FYB2: variants seen among roughly 807,000 people sequenced by gnomAD.
FYB2 encodes the protein FYN-binding protein 2.
In FYB2, 103 loss-of-function variants were observed where a neutral mutation model predicts 94.1. The observed-to-expected ratio is 1.09, with a 90% CI of 0.93 to 1.29. The LOEUF (loss-of-function observed/expected upper bound fraction) is 1.29, where lower values mean the gene tolerates loss of function less well. FYB2 is among the 50% of genes most tolerant of loss of function. The probability of loss-of-function intolerance (pLI) is 0.00; values close to 1 mark genes in which losing one functional copy is unlikely to be tolerated. For synonymous variants in FYB2, 293 were observed against 287.9 expected (o/e 1.02, Z -0.18); for missense variants, 896 against 841.5 (o/e 1.06, Z -0.80).
At chr1:56,803,032 T>G (rs1350874973) in intron 1 of FYB2, among the ~76,000 whole-genome samples, 3 of 152,204 alleles carry the variant, frequency 2.0e-5, no homozygotes, top group Admixed American at 6.5e-5. Context: ...CTTTGAAACA[T>G]TGCTTGGATT....
chr1:56,792,753 AT>A lies in FYB2; in HGVS notation c.59del (p.Asp20ValfsTer60). 8.1e-6 allele frequency: 13 copies of A among 1,613,852 alleles called. No individual in the cohort carries two copies. Among genetic ancestry groups the A allele is most frequent in the Non-Finnish European group, 1.1e-5 (13 of 1,179,850 alleles). On this transcript the variant is annotated frameshift_variant, in exon 2 of 20. Coordinates refer to ENST00000343433, the MANE Select transcript of FYB2 (RefSeq NM_001004303.5). LOFTEE classifies it high-confidence loss of function. ...TAATAGGTCCTGGAAGAGGTGGAGC[AT>A]CAAGATTTTGAAATTTGGCTCGAAG... ...KELRAKFQNL[D>X]APPLPGPIKF... is the part of the protein sequence containing the mutation.
intron 4 of FYB2, among the ~76,000 whole-genome samples, chr1:56,780,477 C>T (rs752827037): frequency 6.6e-6 from 1 of 152,156 alleles, no homozygotes. Flanking sequence ...ATTAAGGCAG[C>T]CTGGGGTGAT....
intron 3 of FYB2, 199 bp downstream of exon 3, chr1:56,788,772 GCT>G (rs1646188607): frequency 1.6e-6 from 1 of 635,498 alleles, no homozygotes; most frequent in Non-Finnish European, 2.7e-6. Context: ...GGGGAAGTGG[GCT>G]GGTCTAGGAG....
intron 15 of FYB2, among the ~76,000 whole-genome samples, chr1:56,729,543 A>G (rs1252942698): frequency 6.6e-6 from 1 of 152,132 alleles, no homozygotes; most frequent in Admixed American, 6.6e-5. Flanking sequence ...TTAGGTCAAA[A>G]GGGAGAGATA....
intron 1 of FYB2, among the ~76,000 whole-genome samples, chr1:56,806,820 G>T (rs1309503412): frequency 6.6e-6 from 1 of 152,176 alleles, no homozygotes; most frequent in African/African-American, 2.4e-5. Context: ...ATTTTGTGGT[G>T]AGGGTAAGGG....
At chr1:56,825,990 G>T in the FYB2 span, among the ~76,000 whole-genome samples, 1 of 152,178 alleles carries the variant, frequency 6.6e-6, no homozygotes, top group East Asian at 1.9e-4. Context: ...CCTCTCAAGT[G>T]CAGTGGACTA....
At chr1:56,771,612 T>A (rs1645756977) in intron 4 of FYB2, among the ~76,000 whole-genome samples, 1 of 151,902 alleles carries the variant, frequency 6.6e-6, no homozygotes, top group Non-Finnish European at 1.5e-5. Flanking sequence ...GGGACTAGAG[T>A]TAGGGTTAGG....
At chr1:56,791,537 C>A (rs1021012698) in intron 2 of FYB2, among the ~76,000 whole-genome samples, 1 of 152,102 alleles carries the variant, frequency 6.6e-6, no homozygotes, top group Non-Finnish European at 1.5e-5. Flanking sequence ...CATAAGCCAC[C>A]GTGCCCAGCC....
rs543196240 is a variant in FYB2 at position 56,780,962 on chromosome 1, G to A, written c.953+6213C>T. ...CATTCTCTTCATTCTTTCCTGTAGC[G>A]ATTCAATTTATCCCAGCGTGCTGGG... is the stretch of plus-strand genomic sequence containing the variant. On this transcript the variant is annotated intron_variant, in intron 4 of 19. Transcript: ENST00000343433. Among the ~76,000 whole-genome samples the A allele has an allele frequency of 1.2e-4, 18 of 152,224 alleles. 1 individual carries two copies. In the South Asian group the frequency reaches 3.5e-3, roughly 30 times the overall value.
intron 5 of FYB2, among the ~76,000 whole-genome samples, chr1:56,764,820 G>A (rs1343797138): frequency 6.6e-6 from 1 of 152,100 alleles, no homozygotes; most frequent in Non-Finnish European, 1.5e-5. Context: ...CTGGAGGCTG[G>A]AAGTTCCAAG....
chr1:56,720,115 C>G, intron 18 of FYB2, 58 bp downstream of exon 18: 1 of 1,584,916 alleles, frequency 6.3e-7, no homozygotes, highest in Non-Finnish European at 8.6e-7. Context: ...TTTTTTAAAG[C>G]ATTTTAAGAT....
At chr1:56,728,457 C>T (rs989027566) in intron 15 of FYB2, among the ~76,000 whole-genome samples, 1 of 152,040 alleles carries the variant, frequency 6.6e-6, no homozygotes, top group African/African-American at 2.4e-5. Context: ...TCAAAGAGTT[C>T]CCAGTCTAGC....
intron 9 of FYB2, among the ~76,000 whole-genome samples, chr1:56,748,954 G>C (rs9803816): frequency 8.6e-5 from 13 of 151,288 alleles, no homozygotes; most frequent in African/African-American, 3.1e-4. Context: ...TTTGTGAAAG[G>C]CATTTTTATG....
intron 2 of FYB2, 107 bp from the exon 3 acceptor site, chr1:56,789,241 C>T: frequency 7.9e-7 from 1 of 1,266,868 alleles, no homozygotes; most frequent in Admixed American, 2.8e-5. Flanking sequence ...AATCTATTCT[C>T]CACCCAACAG....
chr1:56,810,064 G>A (rs1450487555), intron 1 of FYB2, among the ~76,000 whole-genome samples: 2 of 152,104 alleles, frequency 1.3e-5, no homozygotes, highest in Non-Finnish European at 2.9e-5. Flanking sequence ...AAAGAGGAGG[G>A]GGAAGAGGGA....
chr1:56,741,943 T>C (rs1367758587), intron 12 of FYB2, among the ~76,000 whole-genome samples: 1 of 152,084 alleles, frequency 6.6e-6, no homozygotes, highest in East Asian at 1.9e-4. Context: ...ATTGATAGTA[T>C]ATGATTGTAC....
intron 4 of FYB2, among the ~76,000 whole-genome samples, chr1:56,781,574 T>C (rs1177715997): frequency 6.6e-6 from 1 of 152,226 alleles, no homozygotes; most frequent in Non-Finnish European, 1.5e-5. Context: ...ACTGAGTGTG[T>C]GTTGCTAGTT....
intron 1 of FYB2, among the ~76,000 whole-genome samples, chr1:56,802,411 A>G (rs1415379068): frequency 1.3e-5 from 2 of 152,218 alleles, no homozygotes; most frequent in African/African-American, 4.8e-5. Flanking sequence ...TGTAAATGAA[A>G]ATTAGTGAAG....
At chr1:56,804,501 G>C (rs1646594145) in intron 1 of FYB2, among the ~76,000 whole-genome samples, 1 of 152,180 alleles carries the variant, frequency 6.6e-6, no homozygotes, top group Non-Finnish European at 1.5e-5. Flanking sequence ...GAGGTGAGCA[G>C]ATCACTGGAG....
Sources: gnomAD v4.1 joint callset for allele counts (sites outside exome capture counted in the v4.1 genomes callset) on GRCh38, gnomAD v4.1.1 for gene constraint, MANE v1.5 for transcripts, NCBI Gene and HGNC (gene_info 2026-07-23, HGNC 2026-07-21) for gene names.